The following PTPRT variants were observed in gnomAD, a reference collection of about 807,000 sequenced individuals.
PTPRT encodes the protein receptor-type tyrosine-protein phosphatase T.
Under a neutral mutation model 176.8 loss-of-function variants are expected in PTPRT, and 56 were observed. The observed-to-expected ratio is 0.32, with a 90% CI of 0.26 to 0.40. The LOEUF is 0.40. Ranked by LOEUF, PTPRT falls within the 10% of genes least tolerant of loss-of-function variation. The probability of loss-of-function intolerance (pLI) is 1.00; values close to 1 mark genes in which losing one functional copy is unlikely to be tolerated. For missense variants in PTPRT, 1,540 were observed against 1,908.2 expected (o/e 0.81, Z 3.60); for synonymous variants, 783 against 739.0 (o/e 1.06, Z -0.96).
At chr20:43,049,595 G>A (rs993988909) in intron 1 of PTPRT, among the ~76,000 whole-genome samples, 3 of 152,228 alleles carry the variant, frequency 2.0e-5, no homozygotes, top group African/African-American at 7.2e-5. Flanking sequence ...AATTCCTGCT[G>A]AGCCTATGTG....
rs571224137 is a variant in PTPRT, at chr20:42,677,943, C to T, written c.1076G>A (p.Arg359Gln). The T allele has an allele frequency of 2.5e-6, 4 of 1,614,000 alleles. No homozygotes were observed. The highest frequency in any genetic ancestry group is 2.7e-5 in the African/African-American group (2 of 74,908). Reference protein sequence around the residue: ...HLDPDVEYEIRVLLTRPGEGG... With the variant: ...HLDPDVEYEIQVLLTRPGEGG... ...CTCACCTGGTCGTGTGAGGAGCACT[C>T]GGATCTCATACTCAACATCGGGGTC... Residue 359 changes from arginine (R) to glutamine (Q), a missense_variant, in exon 7 of 31, where the codon CGA (arginine) becomes CAA (glutamine). This residue lies in a region of PTPRT where 273 missense variants were observed against 432.1 expected (regional missense o/e 0.63). Transcript: ENST00000373187.
intron 7 of PTPRT, among the ~76,000 whole-genome samples, chr20:42,634,374 T>C (rs990214829): frequency 1.3e-5 from 2 of 150,490 alleles, no homozygotes; most frequent in South Asian, 2.1e-4. Context: ...GAAAGCTCCA[T>C]GATAGAGATG....
At chr20:43,036,631 G>A (rs533201640) in intron 1 of PTPRT, among the ~76,000 whole-genome samples, 1 of 152,214 alleles carries the variant, frequency 6.6e-6, no homozygotes, top group South Asian at 2.1e-4. Context: ...AATAAAATCT[G>A]AAGTTAGCTA....
intron 7 of PTPRT, among the ~76,000 whole-genome samples, chr20:42,492,551 C>G (rs927999754): frequency 6.6e-6 from 1 of 152,134 alleles, no homozygotes; most frequent in African/African-American, 2.4e-5. Context: ...AGACTTTCCT[C>G]TAAGTGTTGC....
chr20:42,881,194 T>C (rs923860377), intron 2 of PTPRT, among the ~76,000 whole-genome samples: 1 of 152,150 alleles, frequency 6.6e-6, no homozygotes, highest in Non-Finnish European at 1.5e-5. Flanking sequence ...GCAGACATCC[T>C]CCATTTAACT....
chr20:42,987,923 T>C (rs541843758), intron 1 of PTPRT, among the ~76,000 whole-genome samples: 13 of 152,302 alleles, frequency 8.5e-5, no homozygotes, highest in African/African-American at 2.9e-4. Flanking sequence ...GGAGGTCACG[T>C]GGGCCTCTTC....
At chr20:42,878,640 G>A (rs1331410543) in intron 2 of PTPRT, among the ~76,000 whole-genome samples, 1 of 152,122 alleles carries the variant, frequency 6.6e-6, no homozygotes, top group Non-Finnish European at 1.5e-5. Context: ...CGAACTCATG[G>A]GATGGTGGGA....
intron 3 of PTPRT, among the ~76,000 whole-genome samples, chr20:42,790,313 A>T (rs1202792518): frequency 6.6e-6 from 1 of 152,120 alleles, no homozygotes; most frequent in Non-Finnish European, 1.5e-5. Flanking sequence ...GATTGGTGCC[A>T]ATCTGTGCGC....
At chr20:42,229,832 A>T (rs1369053653) in intron 15 of PTPRT, among the ~76,000 whole-genome samples, 3 of 152,168 alleles carry the variant, frequency 2.0e-5, no homozygotes, top group African/African-American at 7.2e-5. Flanking sequence ...TACAAGGTCT[A>T]GAGTTATCTA....
At chr20:42,746,491 A>G (rs2076692761) in intron 6 of PTPRT, among the ~76,000 whole-genome samples, 1 of 152,046 alleles carries the variant, frequency 6.6e-6, no homozygotes, top group African/African-American at 2.4e-5. Context: ...AATCTAGGGG[A>G]GCCGGCATTA....
At chr20:42,915,941 A>ATTG (rs1010454486) in intron 1 of PTPRT, among the ~76,000 whole-genome samples, 25 of 151,074 alleles carry the variant, frequency 1.7e-4, no homozygotes, top group Admixed American at 4.0e-4. Flanking sequence ...TGAGTGCCCA[A>ATTG]TTGTTGTTGT....
At chr20:42,805,407 A>G (rs1266394877) in intron 2 of PTPRT, among the ~76,000 whole-genome samples, 3 of 152,206 alleles carry the variant, frequency 2.0e-5, no homozygotes, top group African/African-American at 7.2e-5. Flanking sequence ...ATGGGAAAGG[A>G]GCAAGCACCC....
intron 7 of PTPRT, among the ~76,000 whole-genome samples, chr20:42,498,221 G>GC (rs1281415000): frequency 6.6e-6 from 1 of 152,032 alleles, no homozygotes; most frequent in Admixed American, 6.6e-5. Flanking sequence ...AAAATTCTAA[G>GC]CCCCCCAGTC....
At chr20:42,128,700 G>C in intron 19 of PTPRT, 54 bp downstream of exon 19, 1 of 1,471,826 alleles carries the variant, frequency 6.8e-7, no homozygotes, top group South Asian at 1.3e-5. Context: ...GTAAACCACA[G>C]ATCTTGAGCC....
intron 13 of PTPRT, among the ~76,000 whole-genome samples, chr20:42,262,060 C>T (rs2146966755): frequency 6.6e-6 from 1 of 152,316 alleles, no homozygotes; most frequent in South Asian, 2.1e-4. Context: ...GTGCAACTAA[C>T]CCGTGCAACG....
At chr20:42,864,194 T>C (rs1030263693) in intron 2 of PTPRT, among the ~76,000 whole-genome samples, 9 of 152,138 alleles carry the variant, frequency 5.9e-5, no homozygotes, top group African/African-American at 2.2e-4. Flanking sequence ...TTCTGCTGAG[T>C]CTCAGTAAGC....
At position 42,618,916 on chromosome 20, in the gene PTPRT, A is replaced by C. The variant is rs552026575; in HGVS notation, c.1153+58950T>G. Reference sequence around the variant, plus strand: ...TCCAACTTGCCAGTCTGTGTCTTTTAATTGGAGAATTTAGTCCATTTACAT... The same window carrying C: ...TCCAACTTGCCAGTCTGTGTCTTTTCATTGGAGAATTTAGTCCATTTACAT... On this transcript the variant is annotated intron_variant, in intron 7 of 30. Coordinates refer to ENST00000373187, the MANE Select transcript of PTPRT (RefSeq NM_007050.6). Among the ~76,000 whole-genome samples the C allele has an allele frequency of 3.8e-3, 577 of 150,884 alleles. 6 individuals are homozygous for C. Among genetic ancestry groups the C allele is most frequent in the African/African-American group, 0.014 (560 of 40,834 alleles).
chr20:42,147,634 T>G (rs1361117675), intron 17 of PTPRT, among the ~76,000 whole-genome samples: 1 of 152,182 alleles, frequency 6.6e-6, no homozygotes, highest in Non-Finnish European at 1.5e-5. Flanking sequence ...CACCATGCCT[T>G]CCAGGAGACA....
chr20:43,095,750 T>C (rs1176685773), intron 1 of PTPRT, among the ~76,000 whole-genome samples: 8 of 147,224 alleles, frequency 5.4e-5, no homozygotes. Flanking sequence ...CTTTTCTCCC[T>C]CTCCTTCTCT....
Sources: allele counts gnomAD v4.1 joint callset (sites outside exome capture counted in the v4.1 genomes callset), GRCh38; gene constraint gnomAD v4.1.1; regional missense constraint gnomAD v4.1.1; transcripts MANE v1.5; gene names NCBI Gene and HGNC (gene_info 2026-07-23, HGNC 2026-07-21).